Variants in ABCA12 observed in about 807,000 individuals in gnomAD.
The protein encoded by ABCA12 is ATP binding cassette subfamily A member 12.
Under a neutral mutation model 293.5 loss-of-function variants are expected in ABCA12, and 156 were observed. The observed-to-expected ratio is 0.53, with a 90% confidence interval of 0.47 to 0.61. The LOEUF (loss-of-function observed/expected upper bound fraction) is 0.61, where lower values mean the gene tolerates loss of function less well. Ranked by LOEUF, ABCA12 falls within the 20% of genes least tolerant of loss-of-function variation. ABCA12 has a pLI of 0.00. For synonymous variants in ABCA12, 1,063 were observed against 1,108.0 expected (o/e 0.96, Z 0.81); for missense variants, 2,797 against 3,090.2 (o/e 0.91, Z 2.25).
At chr2:215,109,516 G>C (rs1196901732) in intron 2 of ABCA12, among the ~76,000 whole-genome samples, 1 of 152,118 alleles carries the variant, frequency 6.6e-6, no homozygotes, top group African/African-American at 2.4e-5. Context: ...ATTTTGTACT[G>C]TCCTACTGAT....
At position 215,010,186 on chromosome 2, in the gene ABCA12, T is replaced by C; in HGVS notation, c.2472+145A>G. 2.8e-6 allele frequency: 3 copies of C among 1,073,322 alleles called. No homozygotes were observed. The South Asian group carries it at 4.4e-5, about 16-fold the overall frequency. 66.5% of individuals were successfully genotyped at this position (1,073,322 alleles called of 1,614,324 possible). The stretch of plus-strand genomic sequence containing the variant: ...CATATCCAGGGCAGAAGTTGAGAAT[T>C]TTACTAATAGTTTCAGAAAGCCAAG... On this transcript the variant is annotated intron_variant, in intron 18 of 52. Coordinates refer to ENST00000272895, the MANE Select transcript of ABCA12 (RefSeq NM_173076.3).
chr2:215,013,892 A>T (rs1176802561), intron 15 of ABCA12, among the ~76,000 whole-genome samples: 1 of 152,192 alleles, frequency 6.6e-6, no homozygotes, highest in Admixed American at 6.5e-5. Flanking sequence ...AATACATTTT[A>T]AAAATGGGCG....
chr2:215,111,776 A>G (rs896649608), intron 1 of ABCA12, 86 bp from the exon 2 acceptor site: 2 of 934,342 alleles, frequency 2.1e-6, no homozygotes, highest in Non-Finnish European at 3.5e-6. Context: ...ATGTCATACT[A>G]TAATATTTCA....
chr2:215,128,962 G>A (rs1702990552), intron 1 of ABCA12, among the ~76,000 whole-genome samples: 1 of 152,154 alleles, frequency 6.6e-6, no homozygotes, highest in Non-Finnish European at 1.5e-5. Context: ...GAAGGCTGTT[G>A]TTCAGACTTT....
At position 214,974,049 on chromosome 2, in the gene ABCA12, G is replaced by A; in HGVS notation, c.5469-7C>T. 1.2e-6 allele frequency: 2 copies of A among 1,611,898 alleles called. No individual in the cohort carries two copies. Among genetic ancestry groups the A allele is most frequent in the Non-Finnish European group, 1.7e-6 (2 of 1,178,068 alleles). On this transcript the variant is annotated splice_polypyrimidine_tract_variant and splice_region_variant and intron_variant, in intron 35 of 52. Transcript: ENST00000272895. ...GTCTTTGTTTAAACACTGTCTGCAA[G>A]TTAAAATGATATTGCTGTGAGGTGT...
At chr2:215,005,572 C>G (rs1160096394) in intron 19 of ABCA12, among the ~76,000 whole-genome samples, 1 of 152,166 alleles carries the variant, frequency 6.6e-6, no homozygotes, top group Non-Finnish European at 1.5e-5. Context: ...CCTTTAAGAT[C>G]GGTTTATCAG....
At chr2:214,970,592 GTTA>G (rs1699366478) in intron 36 of ABCA12, among the ~76,000 whole-genome samples, 192 bp from the exon 37 acceptor site, 1 of 151,954 alleles carries the variant, frequency 6.6e-6, no homozygotes, top group Non-Finnish European at 1.5e-5. Context: ...AGAACAAATA[GTTA>G]TTATTCATGT....
intron 2 of ABCA12, among the ~76,000 whole-genome samples, chr2:215,071,476 C>T (rs16853324): frequency 0.077 from 11,642 of 151,888 alleles, 717 homozygotes; most frequent in East Asian, 0.35. Flanking sequence ...TGATAGATTA[C>T]AGTAATGAAA....
intron 22 of ABCA12, among the ~76,000 whole-genome samples, chr2:214,998,875 G>C (rs1397753441): frequency 1.3e-5 from 2 of 152,158 alleles, no homozygotes; most frequent in Non-Finnish European, 2.9e-5. Context: ...ATTCTAAGTT[G>C]CTCTGTTTAT....
At chr2:215,006,897 T>C (rs544640812) in intron 19 of ABCA12, among the ~76,000 whole-genome samples, 5 of 110,964 alleles carry the variant, frequency 4.5e-5, no homozygotes, top group Non-Finnish European at 9.5e-5. Context: ...TTTTTTGAGA[T>C]GGAGTTTTGC....
At chr2:215,082,043 CTTTTTT>C (rs549072917) in intron 2 of ABCA12, among the ~76,000 whole-genome samples, 1 of 113,160 alleles carries the variant, frequency 8.8e-6, no homozygotes, top group African/African-American at 3.4e-5. Context: ...ATTGTTAATT[CTTTTTT>C]TTTTTTTTTT....
rs886109450 is a variant in ABCA12 at position 214,959,018 on chromosome 2, G to C, written c.5939+6C>G. ...GAAAGTAGTCATGCTAGAGATATCT[G>C]CTTACGTGGCTTGTTCTTGGTCTTG... On this transcript the variant is annotated splice_donor_region_variant and intron_variant, in intron 40 of 52. Transcript: ENST00000272895. 1.2e-6 allele frequency: 2 copies of C among 1,613,404 alleles called. No individual in the cohort carries two copies. Among genetic ancestry groups the C allele is most frequent in the Non-Finnish European group, 1.7e-6 (2 of 1,179,414 alleles).
chr2:214,981,090 G>GAA lies in ABCA12; in HGVS notation c.4580-449_4580-448dup, dbSNP rs771209301. 3.4e-4 allele frequency among the ~76,000 whole-genome samples: 41 copies of GAA among 122,006 alleles called. No individual in the cohort carries two copies. The South Asian group carries it at 6.9e-3, about 20-fold the overall frequency. The allele number at this position is 122,006 out of a possible 152,430, so 80.0% of individuals were successfully genotyped here. ...GACAGACGAGAGTCCATCTCAAAGG[G>GAA]AAAAAAAAAAAAAAGAAAGGAAAAA... On this transcript the variant is annotated intron_variant, in intron 30 of 52. Transcript: ENST00000272895.
chr2:215,130,152 C>T (rs1162324495), intron 1 of ABCA12, among the ~76,000 whole-genome samples: 6 of 151,756 alleles, frequency 4.0e-5, no homozygotes, highest in Admixed American at 6.6e-5. Flanking sequence ...TGAAGTCAGG[C>T]GATGTGATGT....
intron 44 of ABCA12, among the ~76,000 whole-genome samples, chr2:214,951,956 T>G (rs190453204): frequency 1.5e-4 from 23 of 152,232 alleles, no homozygotes; most frequent in African/African-American, 5.3e-4. Flanking sequence ...TGTACTTGTT[T>G]TACTAATGTC....
At chr2:214,934,242 A>G in intron 51 of ABCA12, 27 bp from the exon 52 acceptor site, 1 of 1,613,374 alleles carries the variant, frequency 6.2e-7, no homozygotes, top group Non-Finnish European at 8.5e-7. Context: ...AAAAAAGTTT[A>G]TTTTGCAATG....
intron 2 of ABCA12, among the ~76,000 whole-genome samples, chr2:215,097,220 C>T (rs911485651): frequency 2.0e-5 from 3 of 152,154 alleles, no homozygotes; most frequent in African/African-American, 7.2e-5. Context: ...ACTCCCCACT[C>T]TTCTCCATGC....
chr2:214,931,624 C>G lies in ABCA12; in HGVS notation c.*1010G>C, dbSNP rs1290870621. On this transcript the variant is annotated 3_prime_UTR_variant, in exon 53 of 53. Transcript: ENST00000272895. ...TGACAAACTTGTATAGATACACACACATACACGCACACACGGTACATAAAG... is the reference window on the plus strand; with the variant it reads ...TGACAAACTTGTATAGATACACACAGATACACGCACACACGGTACATAAAG... The G allele has an allele frequency of 6.6e-6, 1 of 152,668 alleles. No homozygotes were observed. Among genetic ancestry groups the G allele is most frequent in the African/African-American group, 2.4e-5 (1 of 41,448 alleles). The allele number at this position is 152,668 out of a possible 1,614,324, so 9.5% of individuals were successfully genotyped here. A position where few individuals can be genotyped will look rare whatever the true frequency, so the allele number is the denominator to read the frequency against.
chr2:215,013,748 T>C (rs907764341), intron 15 of ABCA12: 13 of 153,126 alleles, frequency 8.5e-5, no homozygotes, highest in Non-Finnish European at 1.6e-4. Flanking sequence ...ATAGTTTATG[T>C]AAAATAACCA....
Sources: gnomAD v4.1 joint callset for allele counts (sites outside exome capture counted in the v4.1 genomes callset) on GRCh38, gnomAD v4.1.1 for gene constraint, MANE v1.5 for transcripts, NCBI Gene and HGNC (gene_info 2026-07-23, HGNC 2026-07-21) for gene names.